The following ARNT2 variants were observed in gnomAD, a reference collection of about 807,000 sequenced individuals.
ARNT2 encodes the protein ARNT protein 2.
ARNT2 carries 36 observed loss-of-function variants against 91.7 expected under a neutral mutation model. The ratio of observed to expected loss-of-function variants is 0.39; its 90% CI spans 0.30 to 0.52. The LOEUF is 0.52. Ranked by LOEUF, ARNT2 falls within the 20% of genes least tolerant of loss-of-function variation. The pLI is 0.72. For synonymous variants in ARNT2, 365 were observed against 347.1 expected (o/e 1.05, Z -0.57); for missense variants, 775 against 939.3 (o/e 0.83, Z 2.29).
chr15:80,430,583 A>G (rs972027406), intron 1 of ARNT2, among the ~76,000 whole-genome samples: 3 of 152,096 alleles, frequency 2.0e-5, no homozygotes, highest in African/African-American at 7.2e-5. Flanking sequence ...GGAGCTGCAA[A>G]TAGCCTCAGT....
intron 17 of ARNT2, among the ~76,000 whole-genome samples, chr15:80,585,504 G>A (rs1405786942): frequency 3.3e-5 from 5 of 152,214 alleles, no homozygotes; most frequent in African/African-American, 1.2e-4. Context: ...AGACAAGACA[G>A]GAACTAAGAA....
chr15:80,512,606 G>C (rs554644725), intron 6 of ARNT2, among the ~76,000 whole-genome samples: 2 of 152,356 alleles, frequency 1.3e-5, no homozygotes, highest in South Asian at 4.1e-4. Flanking sequence ...TTGTCCTGCA[G>C]TGCTTCTGTG....
At chr15:80,424,839 C>T (rs879202784) in intron 1 of ARNT2, among the ~76,000 whole-genome samples, 3 of 151,694 alleles carry the variant, frequency 2.0e-5, no homozygotes, top group East Asian at 1.9e-4. Flanking sequence ...TTCAGGCTTC[C>T]GGCAGGAATT....
intron 1 of ARNT2, among the ~76,000 whole-genome samples, chr15:80,412,618 A>G (rs1204352443): frequency 1.3e-5 from 2 of 152,120 alleles, no homozygotes; most frequent in East Asian, 3.8e-4. Flanking sequence ...GAGAAGCTGC[A>G]TATATTCTGT....
intron 3 of ARNT2, among the ~76,000 whole-genome samples, chr15:80,460,681 T>G (rs1053025263): frequency 1.3e-5 from 2 of 152,200 alleles, no homozygotes; most frequent in African/African-American, 4.8e-5. Flanking sequence ...GAAGCCAGAC[T>G]GCAGTGGGCT....
At chr15:80,440,625 C>T (rs945374806) in intron 1 of ARNT2, among the ~76,000 whole-genome samples, 3 of 152,256 alleles carry the variant, frequency 2.0e-5, no homozygotes, top group East Asian at 1.9e-4. Flanking sequence ...GGCATCTCCC[C>T]GGGCTGCCTT....
intron 8 of ARNT2, among the ~76,000 whole-genome samples, chr15:80,548,410 A>G (rs1038624334): frequency 6.6e-6 from 1 of 152,186 alleles, no homozygotes; most frequent in African/African-American, 2.4e-5. Context: ...ACTACTATTC[A>G]CAATTATAAT....
intron 5 of ARNT2, among the ~76,000 whole-genome samples, chr15:80,507,401 G>C (rs1228417445): frequency 6.6e-6 from 1 of 152,140 alleles, no homozygotes; most frequent in Non-Finnish European, 1.5e-5. Context: ...GATAATGTCT[G>C]GTTTCTGACT....
intron 6 of ARNT2, among the ~76,000 whole-genome samples, chr15:80,511,702 A>T (rs1897345469): frequency 6.6e-6 from 1 of 152,130 alleles, no homozygotes; most frequent in Non-Finnish European, 1.5e-5. Flanking sequence ...GGAGGTGGGT[A>T]TAGACAGAGG....
intron 8 of ARNT2, among the ~76,000 whole-genome samples, chr15:80,535,158 C>G (rs1171760982): frequency 6.6e-6 from 1 of 152,190 alleles, no homozygotes; most frequent in East Asian, 1.9e-4. Flanking sequence ...AGGTTGGGAA[C>G]TTTTTTGTGC....
chr15:80,526,113 C>G (rs1032554784), intron 8 of ARNT2, among the ~76,000 whole-genome samples: 1 of 152,228 alleles, frequency 6.6e-6, no homozygotes, highest in Non-Finnish European at 1.5e-5. Context: ...GTAAATCTCA[C>G]AGTGTATTCT....
intron 1 of ARNT2, among the ~76,000 whole-genome samples, chr15:80,429,326 G>A (rs1595958150): frequency 6.6e-6 from 1 of 152,278 alleles, no homozygotes; most frequent in Non-Finnish European, 1.5e-5. Context: ...TAGTGATCAA[G>A]CTAGTGGCCA....
At chr15:80,584,821 G>A (rs570631654) in intron 17 of ARNT2, among the ~76,000 whole-genome samples, 65 of 152,340 alleles carry the variant, frequency 4.3e-4, no homozygotes, top group African/African-American at 1.5e-3. Flanking sequence ...GAGAGATAAT[G>A]CGGTTGATCC....
chr15:80,475,432 C>T (rs1411352935), intron 5 of ARNT2: 9 of 452,338 alleles, frequency 2.0e-5, no homozygotes, highest in South Asian at 2.1e-5. Context: ...TGGTGGTGGG[C>T]GCCTGTGGTC....
intron 17 of ARNT2, among the ~76,000 whole-genome samples, chr15:80,586,451 A>G (rs1433637928): frequency 6.6e-6 from 1 of 152,198 alleles, no homozygotes; most frequent in Non-Finnish European, 1.5e-5. Context: ...CTGGGGATGA[A>G]TGTCTTTTAC....
chr15:80,424,336 T>G (rs1431050439), intron 1 of ARNT2, among the ~76,000 whole-genome samples: 1 of 152,246 alleles, frequency 6.6e-6, no homozygotes, highest in African/African-American at 2.4e-5. Context: ...AAGGTACTTT[T>G]GTGTCACAGG....
Position 80,597,819 on chromosome 15 carries a change from T to C in ARNT2, c.*4121T>C, listed in dbSNP as rs1893401430. 6.5e-6 allele frequency: 1 copy of C among 152,950 alleles called. No homozygotes were observed. The highest frequency in any genetic ancestry group is 1.5e-5 in the Non-Finnish European group (1 of 68,272). The allele number at this position is 152,950 out of a possible 1,614,324, so 9.5% of individuals were successfully genotyped here. On this transcript the variant is annotated 3_prime_UTR_variant, in exon 19 of 19. Transcript: ENST00000303329. ...AACTGTGCTGTGGATAAATCATTTG[T>C]ATTTCTTGAATGTTCTCTATGACTA...
chr15:80,433,347 G>A lies in ARNT2; in HGVS notation c.32-17533G>A, dbSNP rs1023221609. Among the ~76,000 whole-genome samples the A allele has an allele frequency of 6.1e-5, 9 of 148,386 alleles. 1 individual carries two copies. The highest frequency in any genetic ancestry group is 3.0e-5 in the Non-Finnish European group (2 of 67,006). ...GTTGCCCAGGCTGGAGTGCAGTGGTGCGATCTCGGCTCACTGCAACCTCTG... is the reference window on the plus strand; with the variant it reads ...GTTGCCCAGGCTGGAGTGCAGTGGTACGATCTCGGCTCACTGCAACCTCTG... On this transcript the variant is annotated intron_variant, in intron 1 of 18. Transcript: ENST00000303329.
At chr15:80,422,615 A>G (rs1031731041) in intron 1 of ARNT2, among the ~76,000 whole-genome samples, 1 of 152,232 alleles carries the variant, frequency 6.6e-6, no homozygotes, top group Non-Finnish European at 1.5e-5. Context: ...TGCAGTGAGC[A>G]AAGGAAATAA....
Sources: allele counts gnomAD v4.1 joint callset (sites outside exome capture counted in the v4.1 genomes callset), GRCh38; gene constraint gnomAD v4.1.1; transcripts MANE v1.5; gene names NCBI Gene and HGNC (gene_info 2026-07-23, HGNC 2026-07-21).